The following TOX variants were observed in gnomAD, a reference collection of about 807,000 sequenced individuals.
TOX encodes thymocyte selection associated high mobility group box, also known as thymocyte selection-associated high mobility group box protein TOX.
A neutral mutation model predicts 53.7 loss-of-function variants in TOX; 11 were observed. That is an observed-to-expected ratio of 0.20 (90% CI 0.13 to 0.34). The LOEUF (loss-of-function observed/expected upper bound fraction) is 0.34, where lower values mean the gene tolerates loss of function less well. Ranked by LOEUF, TOX falls within the 10% of genes least tolerant of loss-of-function variation. The probability of loss-of-function intolerance (pLI) is 1.00; values close to 1 mark genes in which losing one functional copy is unlikely to be tolerated. For missense variants in TOX, 570 were observed against 664.6 expected, an observed-to-expected ratio of 0.86 and a Z score of 1.56; for synonymous variants, 225 against 245.3, an observed-to-expected ratio of 0.92 and a Z score of 0.77.
chr8:58,844,570 CAGTGT>C (rs1052927167), intron 4 of TOX, among the ~76,000 whole-genome samples: 2 of 152,134 alleles, frequency 1.3e-5, no homozygotes, highest in Non-Finnish European at 2.9e-5. Context: ...AGCATCGGTA[CAGTGT>C]TTTACATGCA....
chr8:58,819,014 C>T (rs1810227078), intron 6 of TOX, among the ~76,000 whole-genome samples: 1 of 152,184 alleles, frequency 6.6e-6, no homozygotes, highest in African/African-American at 2.4e-5. Context: ...CAGTCTAGTA[C>T]AATAGACCAT....
chr8:59,034,504 C>CT (rs1472483103), intron 1 of TOX, among the ~76,000 whole-genome samples: 1 of 151,994 alleles, frequency 6.6e-6, no homozygotes, highest in Non-Finnish European at 1.5e-5. Context: ...AAAGGTGACA[C>CT]TTGACACAAC....
chr8:58,989,010 T>G (rs1813389289), intron 1 of TOX, among the ~76,000 whole-genome samples: 1 of 152,174 alleles, frequency 6.6e-6, no homozygotes, highest in South Asian at 2.1e-4. Context: ...TGGCAGAGAT[T>G]ATCTCACTAT....
chr8:58,956,178 C>T (rs561932155), intron 2 of TOX, among the ~76,000 whole-genome samples: 3 of 152,096 alleles, frequency 2.0e-5, no homozygotes, highest in Admixed American at 6.5e-5. Flanking sequence ...CTTCTTTTGA[C>T]GTATTTAATT....
Position 58,932,847 on chromosome 8 carries a change from T to C in TOX, c.411+6455A>G, listed in dbSNP as rs1316415976. Among the ~76,000 whole-genome samples the C allele has an allele frequency of 3.3e-5, 5 of 152,180 alleles. No individual in the cohort carries two copies. In the East Asian group the frequency reaches 9.6e-4, roughly 29 times the overall value. On this transcript the variant is annotated intron_variant, in intron 3 of 8. Coordinates refer to ENST00000361421, the MANE Select transcript of TOX (RefSeq NM_014729.3). ...GTCAAAACAGTTGTACAGTGGCCTTTGAATGCAAAGTGTACCATGACTGAA... is the reference window on the plus strand; with the variant it reads ...GTCAAAACAGTTGTACAGTGGCCTTCGAATGCAAAGTGTACCATGACTGAA...
At chr8:59,082,274 C>T (rs767123145) in intron 1 of TOX, among the ~76,000 whole-genome samples, 89 of 152,218 alleles carry the variant, frequency 5.8e-4, no homozygotes, top group Non-Finnish European at 4.1e-4. Context: ...AAATCTTCCA[C>T]GGAGAATTGG....
intron 1 of TOX, among the ~76,000 whole-genome samples, chr8:59,073,701 T>C (rs1413315488): frequency 2.0e-5 from 3 of 152,168 alleles, no homozygotes; most frequent in South Asian, 2.1e-4. Context: ...ATCTATTTAA[T>C]AGAAATCAAG....
At position 58,815,406 on chromosome 8, in the gene TOX, G is replaced by C; in HGVS notation, c.1324C>G (p.Gln442Glu). The change falls in exon 7 of 9, where the codon CAG (glutamine) becomes GAG (glutamate). Residue 442 changes from glutamine to glutamate, a missense_variant. Physicochemically the swap from Gln to Glu is conservative, Grantham distance 29. Transcript: ENST00000361421. ...GGGAGCTGGTTCCCAAGGGGCTGCT[G>C]CATGGTGAGCGGCTGGTGCTGCTGC... ...NMQQHQPLTM[Q>E]QPLGNQLPMQ... The C allele has an allele frequency of 6.2e-7, 1 of 1,613,910 alleles. No individual in the cohort carries two copies. The highest frequency in any genetic ancestry group is 2.2e-5 in the East Asian group (1 of 44,870).
intron 1 of TOX, among the ~76,000 whole-genome samples, chr8:59,002,672 C>G (rs1813715416): frequency 6.6e-6 from 1 of 151,534 alleles, no homozygotes; most frequent in African/African-American, 2.4e-5. Flanking sequence ...GACCTTCTAA[C>G]CATTTAGCAT....
intron 2 of TOX, 94 bp from the exon 3 acceptor site, chr8:58,939,638 G>A: frequency 6.7e-7 from 1 of 1,485,622 alleles, no homozygotes; most frequent in Non-Finnish European, 9.0e-7. Context: ...ATTATTACAA[G>A]CAGCATATGG....
chr8:58,852,534 A>T (rs1374533303), intron 3 of TOX, among the ~76,000 whole-genome samples: 4 of 152,246 alleles, frequency 2.6e-5, no homozygotes, highest in Non-Finnish European at 5.9e-5. Context: ...TAATTCAAGC[A>T]ATGAATTTTG....
intron 3 of TOX, among the ~76,000 whole-genome samples, chr8:58,862,880 T>C (rs1225787667): frequency 6.6e-6 from 1 of 152,166 alleles, no homozygotes; most frequent in South Asian, 2.1e-4. Context: ...TCATTTAGAA[T>C]ATATGAACTA....
intron 1 of TOX, among the ~76,000 whole-genome samples, chr8:59,037,181 C>A (rs183945264): frequency 3.2e-5 from 4 of 124,982 alleles, no homozygotes; most frequent in Admixed American, 2.3e-4. Flanking sequence ...TTTTTTTTTT[C>A]ACTTTTCCTT....
At chr8:59,056,653 C>T (rs953817278) in intron 1 of TOX, among the ~76,000 whole-genome samples, 1 of 152,090 alleles carries the variant, frequency 6.6e-6, no homozygotes, top group East Asian at 1.9e-4. Flanking sequence ...CTGTGTCATT[C>T]GTTATATAAA....
intron 3 of TOX, among the ~76,000 whole-genome samples, chr8:58,891,320 A>C (rs1811557642): frequency 7.1e-6 from 1 of 141,422 alleles, no homozygotes; most frequent in Non-Finnish European, 1.6e-5. Context: ...TCTAAATAGG[A>C]AAAAGAAAAA....
chr8:58,899,876 A>T (rs1203653908), intron 3 of TOX, among the ~76,000 whole-genome samples: 4 of 152,060 alleles, frequency 2.6e-5, no homozygotes, highest in Non-Finnish European at 5.9e-5. Flanking sequence ...GAAAATTCAC[A>T]CTCCAGGGAA....
intron 1 of TOX, among the ~76,000 whole-genome samples, chr8:59,069,884 C>A (rs778307081): frequency 6.6e-6 from 1 of 152,056 alleles, no homozygotes; most frequent in African/African-American, 2.4e-5. Flanking sequence ...CCTTTCAGAG[C>A]GAGAAGGGCC....
intron 3 of TOX, among the ~76,000 whole-genome samples, chr8:58,855,649 T>C (rs529460988): frequency 2.0e-5 from 3 of 152,240 alleles, no homozygotes; most frequent in African/African-American, 7.2e-5. Flanking sequence ...CAAAGAGTGG[T>C]ACAAAATTAA....
intron 6 of TOX, among the ~76,000 whole-genome samples, chr8:58,817,484 G>T (rs1232527194): frequency 6.6e-6 from 1 of 151,742 alleles, no homozygotes; most frequent in African/African-American, 2.4e-5. Flanking sequence ...TCAAGGAAAA[G>T]GTCAAATGGG....
Sources: gnomAD v4.1 joint callset for allele counts (sites outside exome capture counted in the v4.1 genomes callset) on GRCh38, gnomAD v4.1.1 for gene constraint, MANE v1.5 for transcripts, NCBI Gene and HGNC (gene_info 2026-07-23, HGNC 2026-07-21) for gene names.